Variants in GRAMD1C observed in about 807,000 individuals in gnomAD.
GRAMD1C encodes GRAM domain containing 1C, also known as protein Aster-C.
GRAMD1C carries 89 observed loss-of-function variants against 97.8 expected under a neutral mutation model. The ratio of observed to expected loss-of-function variants is 0.91; its 90% CI spans 0.77 to 1.09. The LOEUF (loss-of-function observed/expected upper bound fraction) is 1.09. Among genes scored for constraint, GRAMD1C ranks in the 50% least tolerant of loss-of-function variants. The probability of loss-of-function intolerance (pLI) is 0.00; values close to 1 mark genes in which losing one functional copy is unlikely to be tolerated. For synonymous variants in GRAMD1C, 256 were observed against 267.0 expected (o/e 0.96, Z 0.40); for missense variants, 740 against 766.4 (o/e 0.97, Z 0.41).
At chr3:113,891,392 G>A (rs12637280) in intron 6 of GRAMD1C, among the ~76,000 whole-genome samples, 35,863 of 151,758 alleles carry the variant, frequency 0.24, 4,287 homozygotes, top group African/African-American at 0.29. Flanking sequence ...TATAGTCTTG[G>A]TATTATCTAT....
rs146532435 is a variant in GRAMD1C at position 113,838,923 on chromosome 3, C to T, written c.14C>T (p.Pro5Leu). Reference protein sequence around the residue: MEGAPTVRQVMNEGD... With the variant: MEGALTVRQVMNEGD... ...GAGGGAGCCGCGATGGAGGGCGCTC[C>T]GACTGTCCGTCAGGTAAGCCGCGGG... The change falls in exon 1 of 18, where the codon CCG becomes CTG. Residue 5 changes from proline (P) to leucine (L), a missense_variant. Pro to Leu is a moderately conservative substitution (Grantham distance 98). Transcript: ENST00000358160. The T allele has an allele frequency of 1.0e-4, 124 of 1,181,804 alleles. No individual in the cohort carries two copies. In the African/African-American group the frequency reaches 2.2e-3, roughly 21 times the overall value. 73.2% of individuals were successfully genotyped at this position (1,181,804 alleles called of 1,614,324 possible). A position where few individuals can be genotyped will look rare whatever the true frequency, so the allele number is the denominator to read the frequency against.
intron 10 of GRAMD1C, chr3:113,919,234 GA>G (rs1936945651): frequency 2.6e-6 from 1 of 381,520 alleles, no homozygotes; most frequent in African/African-American, 2.1e-5. Context: ...GAGTTTTCTT[GA>G]AGGCTTTTTT....
chr3:113,879,136 T>C (rs1269084499), intron 5 of GRAMD1C, among the ~76,000 whole-genome samples: 1 of 150,742 alleles, frequency 6.6e-6, no homozygotes, highest in Non-Finnish European at 1.5e-5. Flanking sequence ...ACCCGGGGGG[T>C]GGAGGTTGCA....
In GRAMD1C at chr3:113,945,586, A is replaced by G. The variant is rs1938032916; in HGVS notation, c.*108A>G. 3.1e-6 allele frequency: 2 copies of G among 646,208 alleles called. No homozygotes were observed. Among genetic ancestry groups the G allele is most frequent in the South Asian group, 3.7e-5 (2 of 53,524 alleles). The allele number at this position is 646,208 out of a possible 1,614,324, so 40.0% of individuals were successfully genotyped here. On this transcript the variant is annotated 3_prime_UTR_variant, in exon 18 of 18. Transcript: ENST00000358160. The stretch of plus-strand genomic sequence containing the variant: ...GCATAGAACATTTCTATGTTTTTTC[A>G]TTATTGAGATTTCTAATATGAACAT...
At chr3:113,893,756 C>G (rs1329359254) in intron 6 of GRAMD1C, among the ~76,000 whole-genome samples, 2 of 152,106 alleles carry the variant, frequency 1.3e-5, no homozygotes, top group Non-Finnish European at 2.9e-5. Context: ...CAAAAGTGTG[C>G]CAGTTTGGAC....
chr3:113,921,667 A>G (rs1386341025), intron 10 of GRAMD1C, among the ~76,000 whole-genome samples: 2 of 152,186 alleles, frequency 1.3e-5, no homozygotes, highest in Non-Finnish European at 2.9e-5. Flanking sequence ...CTGGTGTGAG[A>G]TAGTATCTCA....
chr3:113,859,492 G>C (rs539729190), intron 2 of GRAMD1C, among the ~76,000 whole-genome samples: 1 of 152,162 alleles, frequency 6.6e-6, no homozygotes, highest in African/African-American at 2.4e-5. Flanking sequence ...AGGTATGGCT[G>C]AGTATATAGT....
chr3:113,869,546 A>C lies in GRAMD1C; in HGVS notation c.214A>C (p.Arg72=). 6.4e-7 allele frequency: 1 copy of C among 1,552,798 alleles called. No individual in the cohort carries two copies. The stretch of plus-strand genomic sequence containing the variant: ...CTATAAAGACAGGAATGAGGAATAC[A>C]GAAGACAGTTCACACATCTACCTGA... ...STYKDRNEEY[R]RQFTHLPDTE... Residue 72 remains arginine, a synonymous_variant, in exon 3 of 18, where the codon AGA becomes CGA. Coordinates refer to ENST00000358160, the MANE Select transcript of GRAMD1C (RefSeq NM_017577.5).
At chr3:113,884,970 A>G (rs555645080) in intron 6 of GRAMD1C, among the ~76,000 whole-genome samples, 465 of 46,360 alleles carry the variant, frequency 0.01, 2 homozygotes, top group African/African-American at 0.036. Context: ...CCCTCCCCCA[A>G]TTATCCTTCC....
chr3:113,839,033 C>T (rs1577110917), intron 1 of GRAMD1C, 97 bp downstream of exon 1: 1 of 726,050 alleles, frequency 1.4e-6, no homozygotes, highest in African/African-American at 1.8e-5. Flanking sequence ...TACAGTTAAT[C>T]CCTCCCTTCC....
At chr3:113,923,003 T>A (rs1937112596) in intron 10 of GRAMD1C, among the ~76,000 whole-genome samples, 1 of 152,146 alleles carries the variant, frequency 6.6e-6, no homozygotes, top group African/African-American at 2.4e-5. Flanking sequence ...GTTAACTGTA[T>A]TTCTGGGTAT....
Position 113,838,857 on chromosome 3 carries a change from G to T in GRAMD1C, c.-53G>T. 1.7e-6 allele frequency: 2 copies of T among 1,200,378 alleles called. No homozygotes were observed. The highest frequency in any genetic ancestry group is 2.1e-6 in the Non-Finnish European group (2 of 961,126). The allele number at this position is 1,200,378 out of a possible 1,614,324, so 74.4% of individuals were successfully genotyped here. A position where few individuals can be genotyped will look rare whatever the true frequency, so the allele number is the denominator to read the frequency against. ...AGCGCGCGCTGGAGGTGGGCGCGGGGCGGTGCGGTGCGGTGCGCGCGGGGC... is the reference window on the plus strand; with the variant it reads ...AGCGCGCGCTGGAGGTGGGCGCGGGTCGGTGCGGTGCGGTGCGCGCGGGGC... On this transcript the variant is annotated 5_prime_UTR_variant, in exon 1 of 18. Transcript: ENST00000358160.
intron 6 of GRAMD1C, among the ~76,000 whole-genome samples, chr3:113,891,493 A>C (rs754395469): frequency 1.8e-4 from 27 of 151,670 alleles, no homozygotes; most frequent in Non-Finnish European, 4.4e-5. Context: ...CTCTTAAAAA[A>C]AGATAAAAAA....
intron 5 of GRAMD1C, among the ~76,000 whole-genome samples, chr3:113,878,581 T>C (rs1935139547): frequency 6.6e-6 from 1 of 152,154 alleles, no homozygotes; most frequent in Non-Finnish European, 1.5e-5. Flanking sequence ...TATCCATCTA[T>C]CCATCCATCC....
chr3:113,889,598 T>C (rs1356774426), intron 6 of GRAMD1C, among the ~76,000 whole-genome samples: 1 of 151,900 alleles, frequency 6.6e-6, no homozygotes, highest in East Asian at 1.9e-4. Context: ...TTAAAAGAAA[T>C]GGTTTAAGGG....
chr3:113,834,035 C>A (rs922305597), upstream of GRAMD1C, among the ~76,000 whole-genome samples: 14 of 152,124 alleles, frequency 9.2e-5, no homozygotes, highest in Non-Finnish European at 1.5e-5. Context: ...ACCAACTATT[C>A]TTCTAGGAAT....
intron 2 of GRAMD1C, among the ~76,000 whole-genome samples, chr3:113,845,322 A>C (rs1202137819): frequency 1.3e-5 from 2 of 152,222 alleles, no homozygotes; most frequent in Non-Finnish European, 2.9e-5. Context: ...ATTTGATAGA[A>C]TCTGGTGTGA....
intron 6 of GRAMD1C, among the ~76,000 whole-genome samples, chr3:113,888,481 T>G (rs1168812419): frequency 6.6e-6 from 1 of 152,016 alleles, no homozygotes; most frequent in African/African-American, 2.4e-5. Context: ...GAGTAGATCT[T>G]AAGTTTTTTC....
intron 5 of GRAMD1C, among the ~76,000 whole-genome samples, chr3:113,878,391 T>C (rs1241979747): frequency 6.6e-6 from 1 of 152,180 alleles, no homozygotes; most frequent in Non-Finnish European, 1.5e-5. Flanking sequence ...CAAGGAGTCC[T>C]AGTTTCTTTT....
Sources: gnomAD v4.1 joint callset for allele counts (sites outside exome capture counted in the v4.1 genomes callset) on GRCh38, gnomAD v4.1.1 for gene constraint, MANE v1.5 for transcripts, NCBI Gene and HGNC (gene_info 2026-07-23, HGNC 2026-07-21) for gene names.